The following KDM5B variants were observed in gnomAD, a reference collection of about 807,000 sequenced individuals.
KDM5B encodes lysine demethylase 5B, also known as lysine-specific demethylase 5B.
Under a neutral mutation model 193.4 loss-of-function variants are expected in KDM5B, and 144 were observed. The observed-to-expected ratio is 0.74, with a 90% confidence interval of 0.65 to 0.86. KDM5B has a LOEUF of 0.86. Ranked by LOEUF, KDM5B falls within the 40% of genes least tolerant of loss-of-function variation. The pLI, the probability that KDM5B is intolerant of heterozygous loss-of-function variation, is 0.00. For synonymous variants in KDM5B, 668 were observed against 682.6 expected (o/e 0.98, Z 0.33); for missense variants, 1,833 against 1,886.9 (o/e 0.97, Z 0.53).
rs751241444 is a variant in KDM5B, at chr1:202,746,020, T to C, written c.2199-38A>G. On this transcript the variant is annotated intron_variant, in intron 15 of 26. Transcript: ENST00000367265. ...CCACCACACTTAGCTTTGAGACGTG[T>C]AGCTTTGGAGAAAACTAGATGTTTT... 2.5e-6 allele frequency: 4 copies of C among 1,612,356 alleles called. No homozygotes were observed. In the Admixed American group the frequency reaches 5.0e-5, roughly 20 times the overall value.
At chr1:202,789,033 T>C (rs535357155) in intron 1 of KDM5B, among the ~76,000 whole-genome samples, 1 of 152,220 alleles carries the variant, frequency 6.6e-6, no homozygotes, top group East Asian at 1.9e-4. Context: ...CAGGGGAAGC[T>C]TAAACATCCC....
At chr1:202,779,804 AAAATAAAT>A (rs145024625) in intron 1 of KDM5B, among the ~76,000 whole-genome samples, 55,620 of 141,204 alleles carry the variant, frequency 0.39, 12,486 homozygotes, top group Non-Finnish European at 0.5. Context: ...CTCCGTCTCA[AAAATAAAT>A]AAATAAATAA....
intron 8 of KDM5B, chr1:202,758,843 C>A (rs1038820460): frequency 3.3e-5 from 6 of 179,302 alleles, no homozygotes; most frequent in Admixed American, 2.3e-4. Context: ...GCAATAATGT[C>A]CTCCTGGGAG....
chr1:202,741,214 C>T (rs895608411), intron 19 of KDM5B, among the ~76,000 whole-genome samples, 153 bp downstream of exon 19: 1 of 152,226 alleles, frequency 6.6e-6, no homozygotes, highest in Non-Finnish European at 1.5e-5. Context: ...GGTCCCAAAG[C>T]AGCTCCAAAT....
At chr1:202,805,723 C>T (rs998153272) in intron 1 of KDM5B, among the ~76,000 whole-genome samples, 13 of 152,148 alleles carry the variant, frequency 8.5e-5, no homozygotes, top group African/African-American at 3.1e-4. Flanking sequence ...TTCCCAAAAA[C>T]AAAACAGTTT....
intron 3 of KDM5B, among the ~76,000 whole-genome samples, chr1:202,774,077 C>T (rs1031701217): frequency 5.9e-5 from 9 of 152,044 alleles, no homozygotes; most frequent in African/African-American, 1.9e-4. Flanking sequence ...CCCTGAGCCT[C>T]AGTTTCCTTA....
chr1:202,769,063 G>A lies in KDM5B; in HGVS notation c.577-2003C>T, dbSNP rs202009783. ...TTCTTTTTTTTTTTTTTGAGACAGAGTCTCGCTTTGTCGCCCAGGCTGCAG... is the reference window on the plus strand; with the variant it reads ...TTCTTTTTTTTTTTTTTGAGACAGAATCTCGCTTTGTCGCCCAGGCTGCAG... On this transcript the variant is annotated intron_variant, in intron 4 of 26. Coordinates refer to ENST00000367265, the MANE Select transcript of KDM5B (RefSeq NM_006618.5). Among the ~76,000 whole-genome samples, 73 of 134,188 alleles carry A rather than the reference G, an allele frequency of 5.4e-4. No homozygotes were observed. The East Asian group carries it at 0.012, about 23-fold the overall frequency. The allele number at this position is 134,188 out of a possible 152,430, so 88.0% of individuals were successfully genotyped here.
chr1:202,751,033 A>G (rs1332189764), intron 12 of KDM5B, among the ~76,000 whole-genome samples: 1 of 152,226 alleles, frequency 6.6e-6, no homozygotes. Flanking sequence ...TTAAGGTTCA[A>G]GGTATAACTT....
chr1:202,762,844 G>T, intron 6 of KDM5B, 36 bp from the exon 7 acceptor site: 1 of 1,063,910 alleles, frequency 9.4e-7, no homozygotes, highest in Non-Finnish European at 1.4e-6. Context: ...TCTTTATGAT[G>T]CTTTTCTCCA....
chr1:202,791,490 A>G (rs898973840), intron 1 of KDM5B, among the ~76,000 whole-genome samples: 1 of 152,058 alleles, frequency 6.6e-6, no homozygotes, highest in Non-Finnish European at 1.5e-5. Context: ...TTCCTTGAAT[A>G]TTGTTGTTTT....
chr1:202,760,805 T>C (rs936256476), intron 7 of KDM5B, among the ~76,000 whole-genome samples: 13 of 152,326 alleles, frequency 8.5e-5, no homozygotes, highest in African/African-American at 1.7e-4. Context: ...CTTTCTCAAC[T>C]GTCATGTGTT....
At chr1:202,774,537 T>C in intron 3 of KDM5B, 76 bp downstream of exon 3, 4 of 1,442,238 alleles carry the variant, frequency 2.8e-6, no homozygotes, top group Non-Finnish European at 3.8e-6. Context: ...AATAAGTTCC[T>C]TTTTAAGGCA....
Position 202,750,772 on chromosome 1 carries a change from G to A in KDM5B, c.1708C>T (p.Arg570Ter), listed in dbSNP as rs367833330. ...TLMTHEVPVY[R>*]TNQCAGEFVI... Reference sequence around the variant, plus strand: ...AACTCCCCAGCACACTGATTAGTTCGGTAAACCTAAAGAGACAGAAATTGA... The same window carrying A: ...AACTCCCCAGCACACTGATTAGTTCAGTAAACCTAAAGAGACAGAAATTGA... The change falls in exon 13 of 27, where the codon CGA becomes TGA. Residue 570 changes from arginine (R) to a stop codon, truncating the protein, a stop_gained. Coordinates refer to ENST00000367265, the MANE Select transcript of KDM5B (RefSeq NM_006618.5). LOFTEE classifies it high-confidence loss of function. 11 of 1,612,442 alleles carry A rather than the reference G, an allele frequency of 6.8e-6. No individual in the cohort carries two copies. The highest frequency in any genetic ancestry group is 2.2e-5 in the East Asian group (1 of 44,856).
At chr1:202,772,141 C>A (rs1446788683) in intron 4 of KDM5B, among the ~76,000 whole-genome samples, 1 of 152,130 alleles carries the variant, frequency 6.6e-6, no homozygotes, top group East Asian at 1.9e-4. Flanking sequence ...CTTCCTACCT[C>A]TCTACAGCAC....
intron 11 of KDM5B, among the ~76,000 whole-genome samples, chr1:202,754,639 T>G (rs1024768001): frequency 6.6e-6 from 1 of 152,254 alleles, no homozygotes; most frequent in East Asian, 1.9e-4. Flanking sequence ...GGATTTTCTA[T>G]AGTAAAAGTA....
chr1:202,764,214 A>G (rs1357872169), intron 5 of KDM5B, 69 bp from the exon 6 acceptor site: 3 of 815,912 alleles, frequency 3.7e-6, no homozygotes, highest in Non-Finnish European at 5.8e-6. Flanking sequence ...TCCAACTGGA[A>G]TCTCAAGGTG....
intron 5 of KDM5B, among the ~76,000 whole-genome samples, chr1:202,765,283 T>C (rs562455070): frequency 5.3e-5 from 8 of 152,346 alleles, no homozygotes; most frequent in African/African-American, 1.9e-4. Context: ...TCCTTCCTCA[T>C]TGAGGGTATA....
At chr1:202,778,648 A>G (rs1185858195) in intron 1 of KDM5B, among the ~76,000 whole-genome samples, 1 of 152,066 alleles carries the variant, frequency 6.6e-6, no homozygotes, top group Non-Finnish European at 1.5e-5. Context: ...TTGGAGACAG[A>G]GTTTCGCTCT....
At chr1:202,748,205 G>A (rs1347854935) in intron 14 of KDM5B, among the ~76,000 whole-genome samples, 1 of 152,066 alleles carries the variant, frequency 6.6e-6, no homozygotes, top group Non-Finnish European at 1.5e-5. Flanking sequence ...ATATCCACAT[G>A]CAAAAAAATG....
Sources: allele counts gnomAD v4.1 joint callset (sites outside exome capture counted in the v4.1 genomes callset), GRCh38; gene constraint gnomAD v4.1.1; transcripts MANE v1.5; gene names NCBI Gene and HGNC (gene_info 2026-07-23, HGNC 2026-07-21).